SUMO2: variants seen among roughly 807,000 people sequenced by gnomAD.
The protein encoded by SUMO2 is small ubiquitin like modifier 2, also known as small ubiquitin-related modifier 2.
SUMO2 carries 1 observed loss-of-function variant against 16.0 expected under a neutral mutation model. That is an observed-to-expected ratio of 0.06 (90% CI 0.02 to 0.30). The LOEUF (loss-of-function observed/expected upper bound fraction) is 0.30, where lower values mean the gene tolerates loss of function less well. Ranked by LOEUF, SUMO2 falls within the 10% of genes least tolerant of loss-of-function variation. SUMO2 has a pLI of 1.00. For missense variants in SUMO2, 16 were observed against 117.5 expected (o/e 0.14, Z 3.99); for synonymous variants, 36 against 40.6 (o/e 0.89, Z 0.43).
intron 2 of SUMO2, 125 bp downstream of exon 2, chr17:75,180,932 G>A (rs777145576): frequency 2.8e-6 from 3 of 1,088,350 alleles, no homozygotes; most frequent in East Asian, 2.5e-5. Flanking sequence ...CAAAACTGAC[G>A]TGCCAAGTGC....
chr17:75,177,365 CA>C (rs539539250), intron 2 of SUMO2, among the ~76,000 whole-genome samples: 11 of 148,956 alleles, frequency 7.4e-5, no homozygotes, highest in Non-Finnish European at 1.5e-4. Context: ...GACTCCATCT[CA>C]AAAAAAAAGA....
chr17:75,180,416 A>AAAC (rs2074819608), intron 2 of SUMO2, among the ~76,000 whole-genome samples: 1 of 146,554 alleles, frequency 6.8e-6, no homozygotes, highest in Admixed American at 6.9e-5. Flanking sequence ...AAAAAAAAAA[A>AAAC]AAAAACGACT....
At chr17:75,178,225 G>A (rs1337197019) in intron 2 of SUMO2, among the ~76,000 whole-genome samples, 1 of 151,366 alleles carries the variant, frequency 6.6e-6, no homozygotes, top group East Asian at 1.9e-4. Context: ...CATAAGAATA[G>A]TGTTCAAGGC....
At chr17:75,178,711 G>T (rs939462597) in intron 2 of SUMO2, among the ~76,000 whole-genome samples, 2 of 151,920 alleles carry the variant, frequency 1.3e-5, no homozygotes, top group African/African-American at 4.8e-5. Flanking sequence ...CTGGACTACA[G>T]GTATGTGCCA....
At chr17:75,181,032 G>A (rs932148741) in intron 2 of SUMO2, 25 bp downstream of exon 2, 11 of 1,611,994 alleles carry the variant, frequency 6.8e-6, no homozygotes, top group Admixed American at 3.4e-5. Flanking sequence ...TTTATTCAGT[G>A]GAAGTACACA....
intron 2 of SUMO2, among the ~76,000 whole-genome samples, chr17:75,179,527 CAAA>C (rs35348154): frequency 1.2e-3 from 121 of 97,198 alleles, no homozygotes; most frequent in African/African-American, 3.8e-3. Flanking sequence ...GACTCTGTCT[CAAA>C]AAAAAAAAAA....
intron 3 of SUMO2, among the ~76,000 whole-genome samples, chr17:75,172,606 C>A (rs995559087): frequency 6.6e-6 from 1 of 151,236 alleles, no homozygotes. Context: ...CTCAGCCTCC[C>A]GAGCAGCTGG....
chr17:75,166,046 AC>A lies in SUMO2; in HGVS notation c.*2292del. The A allele has an allele frequency of 6.5e-6, 1 of 152,962 alleles. No individual in the cohort carries two copies. Among genetic ancestry groups the A allele is most frequent in the African/African-American group, 2.4e-5 (1 of 41,556 alleles). The allele number at this position is 152,962 out of a possible 1,614,324, so 9.5% of individuals were successfully genotyped here. A position where few individuals can be genotyped will look rare whatever the true frequency, so the allele number is the denominator to read the frequency against. ...GTCTGAAAAAAAAACAAAAACAAAA[AC>A]AAAAACTGTAGTGGTTGGGCATGGG... On this transcript the variant is annotated 3_prime_UTR_variant, in exon 4 of 4. Coordinates refer to ENST00000420826, the MANE Select transcript of SUMO2 (RefSeq NM_006937.4).
chr17:75,172,278 G>A (rs2074745888), intron 3 of SUMO2, among the ~76,000 whole-genome samples: 1 of 150,120 alleles, frequency 6.7e-6, no homozygotes, highest in Non-Finnish European at 1.5e-5. Flanking sequence ...AACTTGCCTT[G>A]GCCTCCCAAA....
chr17:75,180,392 T>TTA (rs749702677), intron 2 of SUMO2, among the ~76,000 whole-genome samples: 2 of 44,862 alleles, frequency 4.5e-5, no homozygotes, highest in East Asian at 9.8e-4. Flanking sequence ...ACTCCCAGCT[T>TTA]AAAAAAAAAA....
chr17:75,171,543 GAGGCAGGAGGCCTGCT>G (rs1359045670), intron 3 of SUMO2, among the ~76,000 whole-genome samples: 1 of 151,836 alleles, frequency 6.6e-6, no homozygotes, highest in Non-Finnish European at 1.5e-5. Flanking sequence ...AAAAGCTGGG[GAGGCAGGAGGCCTGCT>G]AAGATGTTTT....
chr17:75,169,183 G>C (rs2074715715), intron 3 of SUMO2, among the ~76,000 whole-genome samples: 1 of 151,786 alleles, frequency 6.6e-6, no homozygotes, highest in African/African-American at 2.4e-5. Context: ...AGTGAACTGA[G>C]ACCACACCAG....
At chr17:75,175,186 T>C (rs1039486078) in intron 2 of SUMO2, among the ~76,000 whole-genome samples, 1 of 152,114 alleles carries the variant, frequency 6.6e-6, no homozygotes, top group African/African-American at 2.4e-5. Flanking sequence ...TTTCATCAGG[T>C]TGGCCAGGCT....
At chr17:75,175,601 TAA>T (rs1254658073) in intron 2 of SUMO2, among the ~76,000 whole-genome samples, 1 of 151,826 alleles carries the variant, frequency 6.6e-6, no homozygotes, top group Non-Finnish European at 1.5e-5. Flanking sequence ...ATTACAGGCA[TAA>T]GACACTGTGC....
intron 3 of SUMO2, among the ~76,000 whole-genome samples, chr17:75,169,059 A>G (rs1271211743): frequency 1.3e-5 from 2 of 151,608 alleles, no homozygotes; most frequent in Non-Finnish European, 2.9e-5. Context: ...TCTCTACAAA[A>G]AAAAAAAGGA....
intron 2 of SUMO2, among the ~76,000 whole-genome samples, chr17:75,175,981 TATA>T (rs1413174166): frequency 6.6e-6 from 1 of 152,080 alleles, no homozygotes; most frequent in African/African-American, 2.4e-5. Context: ...ACACAGCTAC[TATA>T]ATGTTAAATA....
rs147510899 is a variant in SUMO2 at position 75,177,318 on chromosome 17, A to C, written c.154-2495T>G. Among the ~76,000 whole-genome samples the C allele has an allele frequency of 6.4e-3, 974 of 151,678 alleles. 7 individuals are homozygous for C. Among genetic ancestry groups the C allele is most frequent in the African/African-American group, 0.022 (920 of 41,382 alleles). On this transcript the variant is annotated intron_variant, in intron 2 of 3. Coordinates refer to ENST00000420826, the MANE Select transcript of SUMO2 (RefSeq NM_006937.4). ...GGAGCAGAGGTTGCAGTGAGCTGAG[A>C]TCATGCCACTGCACTCCAGCCTGGG...
rs895828905 is a variant in SUMO2 at position 75,167,936 on chromosome 17, G to A, written c.*403C>T. 6.2e-6 allele frequency: 1 copy of A among 161,012 alleles called. No homozygotes were observed. Among genetic ancestry groups the A allele is most frequent in the African/African-American group, 2.4e-5 (1 of 41,462 alleles). 10.0% of individuals were successfully genotyped at this position (161,012 alleles called of 1,614,324 possible). On this transcript the variant is annotated 3_prime_UTR_variant, in exon 4 of 4. Transcript: ENST00000420826. ...CATTAAAATTCTCCAATTGAACAAGGTATGCAAGGATTTTTATGTTGTTGT... is the reference window on the plus strand; with the variant it reads ...CATTAAAATTCTCCAATTGAACAAGATATGCAAGGATTTTTATGTTGTTGT...
intron 2 of SUMO2, among the ~76,000 whole-genome samples, chr17:75,178,908 T>C (rs530883148): frequency 3.5e-4 from 53 of 152,096 alleles, no homozygotes; most frequent in African/African-American, 1.3e-3. Flanking sequence ...TGAGCCGAGA[T>C]TGCGCCACTG....
Sources: gnomAD v4.1 joint callset for allele counts (sites outside exome capture counted in the v4.1 genomes callset) on GRCh38, gnomAD v4.1.1 for gene constraint, MANE v1.5 for transcripts, NCBI Gene and HGNC (gene_info 2026-07-23, HGNC 2026-07-21) for gene names.